LRP1B: variants seen among roughly 807,000 people sequenced by gnomAD.
The protein encoded by LRP1B is LDL receptor related protein 1B.
In LRP1B, 217 loss-of-function variants were observed where a neutral mutation model predicts 556.6. That is an observed-to-expected ratio of 0.39 (90% CI 0.35 to 0.44). The LOEUF (loss-of-function observed/expected upper bound fraction) is 0.44, where lower values mean the gene tolerates loss of function less well. Among genes scored for constraint, LRP1B ranks in the 20% least tolerant of loss-of-function variants. LRP1B has a pLI of 1.00. For missense variants in LRP1B, 5,053 were observed against 5,620.8 expected (o/e 0.90, Z 3.23); for synonymous variants, 2,047 against 1,865.8 (o/e 1.10, Z -2.50).
intron 15 of LRP1B, among the ~76,000 whole-genome samples, chr2:140,996,914 T>C (rs1697264569): frequency 6.6e-6 from 1 of 152,048 alleles, no homozygotes; most frequent in South Asian, 2.1e-4. Context: ...ATAATGTGAC[T>C]GAATCTACAT....
At chr2:140,683,530 A>G (rs1210401839) in intron 41 of LRP1B, 4 of 621,684 alleles carry the variant, frequency 6.4e-6, no homozygotes, top group East Asian at 6.4e-5. Flanking sequence ...TCAGCATCAT[A>G]TGGATTTCCT....
intron 2 of LRP1B, among the ~76,000 whole-genome samples, chr2:141,729,616 A>G (rs1018956054): frequency 6.6e-6 from 1 of 152,184 alleles, no homozygotes; most frequent in African/African-American, 2.4e-5. Flanking sequence ...AGAGAAATCC[A>G]CATTTTGTAA....
rs78960347 is a variant in LRP1B, at chr2:140,788,313, A to G, written c.5360-12075T>C. Among the ~76,000 whole-genome samples, 39 of 152,322 alleles carry G rather than the reference A, an allele frequency of 2.6e-4. No homozygotes were observed. In the East Asian group the frequency reaches 7.1e-3, roughly 28 times the overall value. Reference sequence around the variant, plus strand: ...GGAAAAATATTTCCACCCACTATCAATAAGAATGTGTGTGGAATTATTTAT... The same window carrying G: ...GGAAAAATATTTCCACCCACTATCAGTAAGAATGTGTGTGGAATTATTTAT... On this transcript the variant is annotated intron_variant, in intron 32 of 90. Transcript: ENST00000389484.
At chr2:141,824,869 C>T (rs1696871313) in intron 1 of LRP1B, among the ~76,000 whole-genome samples, 1 of 152,016 alleles carries the variant, frequency 6.6e-6, no homozygotes, top group Non-Finnish European at 1.5e-5. Flanking sequence ...CCCAATGTGT[C>T]GAGGGAGGGA....
At chr2:140,258,910 TC>T (rs1486495687) in intron 86 of LRP1B, among the ~76,000 whole-genome samples, 3 of 152,108 alleles carry the variant, frequency 2.0e-5, no homozygotes, top group Non-Finnish European at 4.4e-5. Flanking sequence ...CATTAAGAAA[TC>T]TATTTTTTCA....
intron 57 of LRP1B, among the ~76,000 whole-genome samples, chr2:140,489,986 A>G (rs1166151751): frequency 6.6e-6 from 1 of 152,104 alleles, no homozygotes; most frequent in African/African-American, 2.4e-5. Context: ...CTACAGCTTT[A>G]CCCTTAATCC....
At chr2:140,628,313 G>C (rs751773488) in intron 41 of LRP1B, among the ~76,000 whole-genome samples, 9 of 152,012 alleles carry the variant, frequency 5.9e-5, no homozygotes, top group Non-Finnish European at 1.3e-4. Flanking sequence ...GGAGGATCAC[G>C]AGGTCAGGAG....
At chr2:142,092,479 A>G (rs1279779005) in intron 1 of LRP1B, among the ~76,000 whole-genome samples, 1 of 152,172 alleles carries the variant, frequency 6.6e-6, no homozygotes, top group Non-Finnish European at 1.5e-5. Context: ...ATAGCTCATA[A>G]GGAAATTGCT....
intron 2 of LRP1B, among the ~76,000 whole-genome samples, chr2:141,630,583 A>G (rs1246412120): frequency 6.6e-6 from 1 of 152,212 alleles, no homozygotes; most frequent in Non-Finnish European, 1.5e-5. Context: ...ATAGTGAGTC[A>G]TGCTGTAACA....
At chr2:140,557,903 A>T (rs1439390204) in intron 43 of LRP1B, among the ~76,000 whole-genome samples, 1 of 152,146 alleles carries the variant, frequency 6.6e-6, no homozygotes, top group East Asian at 1.9e-4. Flanking sequence ...CTTCCCAGGA[A>T]TATATTCTTC....
At chr2:142,117,323 G>C (rs539891899) in intron 1 of LRP1B, among the ~76,000 whole-genome samples, 2 of 152,108 alleles carry the variant, frequency 1.3e-5, no homozygotes, top group South Asian at 4.1e-4. Flanking sequence ...GGGGGAGGAA[G>C]ATGTGAAGAC....
At chr2:140,282,135 C>T (rs1470932968) in intron 84 of LRP1B, among the ~76,000 whole-genome samples, 1 of 151,806 alleles carries the variant, frequency 6.6e-6, no homozygotes, top group Non-Finnish European at 1.5e-5. Context: ...GAGGCAGTTA[C>T]ATTAAATCAT....
chr2:141,348,047 T>G (rs1688315644), intron 3 of LRP1B, among the ~76,000 whole-genome samples: 1 of 152,112 alleles, frequency 6.6e-6, no homozygotes, highest in Non-Finnish European at 1.5e-5. Context: ...CACAACAGAC[T>G]GGATTATAGA....
At chr2:141,685,859 A>G (rs1691275567) in intron 2 of LRP1B, among the ~76,000 whole-genome samples, 1 of 152,058 alleles carries the variant, frequency 6.6e-6, no homozygotes, top group South Asian at 2.1e-4. Flanking sequence ...CTTGGTCCAT[A>G]AATTCCTTAG....
chr2:140,929,431 A>G (rs1694983470), intron 20 of LRP1B, among the ~76,000 whole-genome samples: 1 of 152,240 alleles, frequency 6.6e-6, no homozygotes, highest in South Asian at 2.1e-4. Flanking sequence ...CAAAGCCAGC[A>G]GTATTAATAA....
At chr2:141,628,036 T>A (rs1688764211) in intron 2 of LRP1B, among the ~76,000 whole-genome samples, 1 of 152,180 alleles carries the variant, frequency 6.6e-6, no homozygotes, top group Non-Finnish European at 1.5e-5. Flanking sequence ...CTTTGAAGAT[T>A]CAAAGATAAT....
At chr2:140,366,156 C>T (rs2105155447) in intron 71 of LRP1B, among the ~76,000 whole-genome samples, 1 of 151,760 alleles carries the variant, frequency 6.6e-6, no homozygotes, top group Middle Eastern at 3.4e-3. Context: ...AGGAAAAAGA[C>T]ATATTTCAAG....
chr2:141,568,184 G>C (rs550999495), intron 2 of LRP1B, among the ~76,000 whole-genome samples: 7 of 151,166 alleles, frequency 4.6e-5, no homozygotes, highest in Non-Finnish European at 1.0e-4. Flanking sequence ...GCGGGATAAA[G>C]TTAGAGCATT....
chr2:140,682,452 T>C (rs1266033506), intron 41 of LRP1B, among the ~76,000 whole-genome samples: 1 of 152,142 alleles, frequency 6.6e-6, no homozygotes, highest in African/African-American at 2.4e-5. Flanking sequence ...GGTCAGACTG[T>C]CCCAAAGGCA....
Sources: allele counts gnomAD v4.1 joint callset (sites outside exome capture counted in the v4.1 genomes callset), GRCh38; gene constraint gnomAD v4.1.1; transcripts MANE v1.5; gene names NCBI Gene and HGNC (gene_info 2026-07-23, HGNC 2026-07-21).